Variants in ZNF549 observed in about 807,000 individuals in gnomAD.
ZNF549 encodes zinc finger protein 549.
A neutral mutation model predicts 11.1 loss-of-function variants in ZNF549; 11 were observed. The ratio of observed to expected loss-of-function variants is 0.99; its 90% CI spans 0.62 to 1.64. The LOEUF (loss-of-function observed/expected upper bound fraction) is 1.64, where lower values mean the gene tolerates loss of function less well. Among genes scored for constraint, ZNF549 ranks in the 40% most tolerant of loss-of-function variants. ZNF549 has a pLI of 0.00. For synonymous variants in ZNF549, 266 were observed against 269.1 expected (o/e 0.99, Z 0.11); for missense variants, 748 against 765.1 (o/e 0.98, Z 0.26).
At position 57,537,569 on chromosome 19, in the gene ZNF549, A is replaced by G; in HGVS notation, c.565A>G (p.Lys189Glu). The change falls in exon 4 of 4, where the codon AAG becomes GAG. Residue 189 changes from lysine to glutamate, a missense_variant. Transcript: ENST00000376233. ...TCTTTTCCCATGCAAAGATGTTGAG[A>G]AGGATTTTCCAACCATCCTGGGCCT... The part of the protein sequence containing the change: ...DNLFPCKDVE[K>E]DFPTILGLLQ... 1 of 1,614,210 alleles carries G rather than the reference A, an allele frequency of 6.2e-7. No homozygotes were observed. Among genetic ancestry groups the G allele is most frequent in the African/African-American group, 1.3e-5 (1 of 75,062 alleles).
chr19:57,537,585 TC>T lies in ZNF549; in HGVS notation c.583del (p.Leu195TrpfsTer62). 2 of 1,614,156 alleles carry T rather than the reference TC, an allele frequency of 1.2e-6. No homozygotes were observed. The highest frequency in any genetic ancestry group is 1.7e-6 in the Non-Finnish European group (2 of 1,180,022). On this transcript the variant is annotated frameshift_variant, in exon 4 of 4. Coordinates refer to ENST00000376233, the MANE Select transcript of ZNF549 (RefSeq NM_001199295.2). LOFTEE classifies it low-confidence loss of function (END_TRUNC). ...CKDVEKDFPT[I>X]LGLLQHQTTH... ...GATGTTGAGAAGGATTTTCCAACCA[TC>T]CTGGGCCTTCTCCAACACCAGACCA...
chr19:57,537,495 A>G lies in ZNF549; in HGVS notation c.491A>G (p.Glu164Gly). ...GGAGAGAAACACATCAGAAAGGAGG[A>G]GAGCAGTGCCTTGCTTCTGAATAGC... ...DSGEKHIRKE[E>G]SSALLLNSCK... The change falls in exon 4 of 4, where the codon GAG becomes GGG. Residue 164 changes from glutamate (E) to glycine (G), a missense_variant. Transcript: ENST00000376233. The G allele has an allele frequency of 6.2e-7, 1 of 1,614,236 alleles. No homozygotes were observed. The highest frequency in any genetic ancestry group is 8.5e-7 in the Non-Finnish European group (1 of 1,180,038).
chr19:57,535,874 T>C (rs2089922450), intron 3 of ZNF549, among the ~76,000 whole-genome samples: 1 of 152,074 alleles, frequency 6.6e-6, no homozygotes, highest in East Asian at 1.9e-4. Flanking sequence ...GAAAGCGTAG[T>C]GAAGTCTTCA....
Position 57,538,252 on chromosome 19 carries a change from T to TAA in ZNF549, c.1248_1249insAA (p.Tyr417AsnfsTer221). 6.2e-7 allele frequency: 1 copy of TAA among 1,613,948 alleles called. No individual in the cohort carries two copies. The highest frequency in any genetic ancestry group is 8.5e-7 in the Non-Finnish European group (1 of 1,179,988). The stretch of plus-strand genomic sequence containing the variant: ...ATAGAATCCACACGGGAGAAAGGCC[T>TAA]TATGAGTGCAAAGAATGTGGGAAGG... On this transcript the variant is annotated frameshift_variant, in exon 4 of 4. Transcript: ENST00000376233. LOFTEE classifies it low-confidence loss of function (END_TRUNC).
Position 57,538,830 on chromosome 19 carries a change from G to C in ZNF549, c.1826G>C (p.Gly609Ala). Residue 609 changes from glycine (G) to alanine (A), a missense_variant, in exon 4 of 4, where the codon GGA (glycine) becomes GCA (alanine). Gly to Ala is a moderately conservative substitution (Grantham distance 60). Transcript: ENST00000376233. ...GTTGAGCATCAGCGAATCCACACCG[G>C]AGAAAAGCCGTATGAATGTGGTAAA... ...KLVEHQRIHT[G>A]EKPYECGKCG... 1 of 1,614,022 alleles carries C rather than the reference G, an allele frequency of 6.2e-7. No individual in the cohort carries two copies. The highest frequency in any genetic ancestry group is 8.5e-7 in the Non-Finnish European group (1 of 1,180,020).
At chr19:57,535,838 G>C (rs2089922246) in intron 3 of ZNF549, among the ~76,000 whole-genome samples, 1 of 152,058 alleles carries the variant, frequency 6.6e-6, no homozygotes, top group Non-Finnish European at 1.5e-5. Flanking sequence ...ACTTAAGCTG[G>C]GGACAGGGGA....
rs571737354 is a variant in ZNF549 at position 57,527,880 on chromosome 19, A to C, written c.33+274A>C. On this transcript the variant is annotated intron_variant, in intron 1 of 3. Transcript: ENST00000376233. ...GGGAGCAGAGAGAATGAGGAGAAGA[A>C]GGCACGGCTGCCATGGCAGCCTGAG... Among the ~76,000 whole-genome samples the C allele has an allele frequency of 4.5e-4, 69 of 152,286 alleles. 2 individuals are homozygous for C. The South Asian group carries it at 0.014, about 31-fold the overall frequency.
chr19:57,538,132 C>T lies in ZNF549; in HGVS notation c.1128C>T (p.Arg376=), dbSNP rs1568590844. The part of the protein sequence containing the change: ...CGKSFIHSYD[R]IRHQRVHTGE... ...AATCTTTTATTCATTCCTATGACCG[C>T]ATTCGACACCAGAGAGTTCACACTG... is the stretch of plus-strand genomic sequence containing the variant. The change falls in exon 4 of 4, where the codon CGC becomes CGT. Residue 376 remains arginine (R), a synonymous_variant. Transcript: ENST00000376233. 1 of 1,613,972 alleles carries T rather than the reference C, an allele frequency of 6.2e-7. No individual in the cohort carries two copies. The highest frequency in any genetic ancestry group is 2.2e-5 in the East Asian group (1 of 44,880).
In ZNF549 at chr19:57,531,385, G is replaced by A. The variant is rs572029291; in HGVS notation, c.72+277G>A. Among the ~76,000 whole-genome samples the A allele has an allele frequency of 1.3e-3, 194 of 152,318 alleles. No homozygotes were observed. In the Middle Eastern group the frequency reaches 0.017, roughly 13 times the overall value. On this transcript the variant is annotated intron_variant, in intron 2 of 3. Transcript: ENST00000376233. ...TGAGAATGATATGGGCATATATAGG[G>A]AACTGCAAGTCTGTGCACTGTGGCC...
At chr19:57,535,469 G>C (rs2089920510) in intron 3 of ZNF549, 199 bp downstream of exon 3, 1 of 662,236 alleles carries the variant, frequency 1.5e-6, no homozygotes, top group Non-Finnish European at 2.4e-6. Context: ...AAGCCTTTTA[G>C]TTAAGAGTTT....
intron 2 of ZNF549, 103 bp from the exon 3 acceptor site, chr19:57,535,041 G>T: frequency 6.9e-7 from 1 of 1,456,402 alleles, no homozygotes; most frequent in Non-Finnish European, 9.3e-7. Flanking sequence ...ACACCATAAG[G>T]ACCTGGTATC....
rs570334775 is a variant in ZNF549, at chr19:57,531,148, C to T, written c.72+40C>T. The T allele has an allele frequency of 2.8e-5, 44 of 1,594,496 alleles. No individual in the cohort carries two copies. In the South Asian group the frequency reaches 4.7e-4, roughly 17 times the overall value. On this transcript the variant is annotated intron_variant, in intron 2 of 3. Coordinates refer to ENST00000376233, the MANE Select transcript of ZNF549 (RefSeq NM_001199295.2). ...TCCCAGGTCTTCACTGGCCCTGTTC[C>T]CTAAAGCCATGGGTCTGGCCCACAG...
Position 57,537,722 on chromosome 19 carries a change from G to A in ZNF549, c.718G>A (p.Val240Ile), listed in dbSNP as rs866109897. 6.2e-7 allele frequency: 1 copy of A among 1,614,104 alleles called. No homozygotes were observed. The change falls in exon 4 of 4, where the codon GTC becomes ATC. Residue 240 changes from valine to isoleucine, a missense_variant. Physicochemically the swap from Val to Ile is conservative, Grantham distance 29. Transcript: ENST00000376233. ...EKVHVTEHQR[V>I]HTGEKAYKRR... ...AGTTCATGTTACTGAGCATCAGAGAGTCCACACTGGAGAAAAAGCTTATAA... is the reference window on the plus strand; with the variant it reads ...AGTTCATGTTACTGAGCATCAGAGAATCCACACTGGAGAAAAAGCTTATAA...
chr19:57,533,903 T>A (rs1291042022), intron 2 of ZNF549, among the ~76,000 whole-genome samples: 1 of 152,186 alleles, frequency 6.6e-6, no homozygotes. Context: ...TCCAAGCTCC[T>A]TACATGCAGA....
chr19:57,530,521 G>A (rs1467049238), intron 1 of ZNF549, among the ~76,000 whole-genome samples: 2 of 152,156 alleles, frequency 1.3e-5, no homozygotes, highest in Non-Finnish European at 2.9e-5. Flanking sequence ...GCCCCCAAAT[G>A]TGTAGCCAAG....
At chr19:57,530,811 A>C (rs1341494816) in intron 1 of ZNF549, among the ~76,000 whole-genome samples, 2 of 151,968 alleles carry the variant, frequency 1.3e-5, no homozygotes, top group Non-Finnish European at 2.9e-5. Context: ...AAGAAACACC[A>C]GAGTTTTAAA....
chr19:57,527,386 C>CT lies in ZNF549; in HGVS notation c.-187dup, dbSNP rs1483337782. The CT allele has an allele frequency of 3.9e-6, 3 of 776,960 alleles. No individual in the cohort carries two copies. The East Asian group carries it at 8.1e-5, about 21-fold the overall frequency. 48.1% of individuals were successfully genotyped at this position (776,960 alleles called of 1,614,324 possible). A position where few individuals can be genotyped will look rare whatever the true frequency, so the allele number is the denominator to read the frequency against. ...TGCTGCCTGCGAGCGCGTCCGCGGG[C>CT]TGGGCGTTTCCGGCTCGCTGGGTCC... is the stretch of plus-strand genomic sequence containing the variant. On this transcript the variant is annotated 5_prime_UTR_variant, in exon 1 of 4. Transcript: ENST00000376233.
Position 57,538,170 on chromosome 19 carries a change from A to G in ZNF549, c.1166A>G (p.Tyr389Cys). 1 of 1,614,240 alleles carries G rather than the reference A, an allele frequency of 6.2e-7. No homozygotes were observed. Among genetic ancestry groups the G allele is most frequent in the Non-Finnish European group, 8.5e-7 (1 of 1,180,032 alleles). Residue 389 changes from tyrosine to cysteine, a missense_variant, in exon 4 of 4, where the codon TAT (tyrosine) becomes TGT (cysteine). By Grantham distance (194) the Tyr-to-Cys change is radical. Coordinates refer to ENST00000376233, the MANE Select transcript of ZNF549 (RefSeq NM_001199295.2). The part of the protein sequence containing the change: ...HQRVHTGEGA[Y>C]QCSECGKSFI... ...AGAGTTCACACTGGAGAAGGGGCTT[A>G]TCAGTGCAGTGAATGTGGGAAATCC...
At chr19:57,528,069 G>A (rs2089887111) in intron 1 of ZNF549, among the ~76,000 whole-genome samples, 1 of 152,210 alleles carries the variant, frequency 6.6e-6, no homozygotes, top group Admixed American at 6.5e-5. Flanking sequence ...CTGGTGAGGA[G>A]ACTGCTGTAG....
Sources: allele counts gnomAD v4.1 joint callset (sites outside exome capture counted in the v4.1 genomes callset), GRCh38; gene constraint gnomAD v4.1.1; transcripts MANE v1.5; gene names NCBI Gene and HGNC (gene_info 2026-07-23, HGNC 2026-07-21).